Variants in RAD21 observed in about 807,000 individuals in gnomAD.
The protein encoded by RAD21 is double-strand-break repair protein rad21 homolog.
Under a neutral mutation model 71.5 loss-of-function variants are expected in RAD21, and 18 were observed. That is an observed-to-expected ratio of 0.25 (90% CI 0.17 to 0.37). The LOEUF (loss-of-function observed/expected upper bound fraction) is 0.37, where lower values mean the gene tolerates loss of function less well. RAD21 is among the 10% of genes least tolerant of loss of function. The pLI is 1.00. For missense variants in RAD21, 493 were observed against 769.1 expected, an observed-to-expected ratio of 0.64 and a Z score of 4.25; for synonymous variants, 248 against 254.0, an observed-to-expected ratio of 0.98 and a Z score of 0.22.
Position 116,847,496 on chromosome 8 carries a change from C to T in RAD21, c.*4G>A. On this transcript the variant is annotated 3_prime_UTR_variant, in exon 14 of 14. Transcript: ENST00000297338. ...CAAACACTAGCTATAATGCTTCTAG[C>T]TCCTTATATAATATGGAACCTTGGT... The T allele has an allele frequency of 6.2e-7, 1 of 1,600,678 alleles. No homozygotes were observed. The highest frequency in any genetic ancestry group is 8.5e-7 in the Non-Finnish European group (1 of 1,173,502).
intron 2 of RAD21, 27 bp from the exon 3 acceptor site, chr8:116,863,286 C>T (rs1171449258): frequency 1.0e-5 from 16 of 1,590,578 alleles, no homozygotes; most frequent in Non-Finnish European, 1.4e-5. Flanking sequence ...AATCATATTC[C>T]AAAACCTGCA....
At chr8:116,851,602 A>G (rs992839135) in intron 11 of RAD21, 39 of 173,818 alleles carry the variant, frequency 2.2e-4, no homozygotes, top group African/African-American at 8.9e-4. Context: ...TTTGAAGTTT[A>G]TTCTGATTAC....
At chr8:116,854,765 C>T (rs902219487) in intron 8 of RAD21, among the ~76,000 whole-genome samples, 1 of 152,138 alleles carries the variant, frequency 6.6e-6, no homozygotes, top group African/African-American at 2.4e-5. Flanking sequence ...TAGTTTTATA[C>T]TGTAAACAAT....
intron 1 of RAD21, among the ~76,000 whole-genome samples, chr8:116,869,728 T>A (rs1197188930): frequency 6.6e-6 from 1 of 152,138 alleles, no homozygotes; most frequent in African/African-American, 2.4e-5. Flanking sequence ...ACACACTTAA[T>A]ATAAGAGCTA....
At chr8:116,855,563 A>T (rs557611401) in intron 8 of RAD21, among the ~76,000 whole-genome samples, 34 of 152,234 alleles carry the variant, frequency 2.2e-4, no homozygotes, top group South Asian at 1.2e-3. Context: ...TAAAATTTTT[A>T]AAAAAATTTC....
chr8:116,860,924 C>A (rs895357203), intron 4 of RAD21, among the ~76,000 whole-genome samples: 1 of 152,140 alleles, frequency 6.6e-6, no homozygotes. Context: ...GTGAGGTAAG[C>A]TGGGGAAACA....
Position 116,850,725 on chromosome 8 carries a change from G to T in RAD21, c.1513C>A (p.Pro505Thr). ...CAGATATTTGGAGGTTCTTCTGGGG[G>T]AAGCTCTACAGGTGGTATTTCCATC... is the stretch of plus-strand genomic sequence containing the variant. ...EQMEIPPVELPPEEPPNICQL... is the reference protein window; with the variant it reads ...EQMEIPPVELTPEEPPNICQL... The change falls in exon 12 of 14, where the codon CCC becomes ACC. Residue 505 changes from proline to threonine, a missense_variant. Transcript: ENST00000297338. The T allele has an allele frequency of 6.2e-7, 1 of 1,613,382 alleles. No individual in the cohort carries two copies. Among genetic ancestry groups the T allele is most frequent in the Non-Finnish European group, 8.5e-7 (1 of 1,179,452 alleles).
Position 116,872,942 on chromosome 8 carries a change from G to A in RAD21, c.-33+1669C>T, listed in dbSNP as rs79066013. ...AGCTCCCTCTTTGCTCAGTTGTTTT[G>A]TAACGGTGAATAAGTTACTTCTCAA... On this transcript the variant is annotated intron_variant, in intron 1 of 13. Coordinates refer to ENST00000297338, the MANE Select transcript of RAD21 (RefSeq NM_006265.3). Among the ~76,000 whole-genome samples, 696 of 152,278 alleles carry A rather than the reference G, an allele frequency of 4.6e-3. 2 individuals are homozygous for A. The highest frequency in any genetic ancestry group is 7.2e-3 in the Non-Finnish European group (491 of 68,022).
chr8:116,871,138 A>C (rs1812814390), intron 1 of RAD21, among the ~76,000 whole-genome samples: 1 of 152,192 alleles, frequency 6.6e-6, no homozygotes, highest in African/African-American at 2.4e-5. Flanking sequence ...ATAAGGAGAA[A>C]GTGTAATTAT....
At chr8:116,851,023 G>A in intron 11 of RAD21, 1 of 263,916 alleles carries the variant, frequency 3.8e-6, no homozygotes. Context: ...TACTTTTTAG[G>A]AGTCAAATGC....
At position 116,850,592 on chromosome 8, in the gene RAD21, G is replaced by C. The variant is rs375503649; in HGVS notation, c.1620+26C>G. 4.4e-6 allele frequency: 7 copies of C among 1,598,580 alleles called. No homozygotes were observed. The African/African-American group carries it at 8.1e-5, about 18-fold the overall frequency. On this transcript the variant is annotated intron_variant, in intron 12 of 13. Coordinates refer to ENST00000297338, the MANE Select transcript of RAD21 (RefSeq NM_006265.3). ...CTGGTTGGAGGTTTTTGCTAAATCT[G>C]GAATGAAAATTATTAATTAGTTTAC...
chr8:116,866,203 T>C (rs1812687279), intron 2 of RAD21, among the ~76,000 whole-genome samples: 1 of 151,794 alleles, frequency 6.6e-6, no homozygotes, highest in Non-Finnish European at 1.5e-5. Flanking sequence ...GTAGCCTTTT[T>C]AGATTGGCTT....
At chr8:116,859,666 G>GC (rs1420372656) in intron 4 of RAD21, among the ~76,000 whole-genome samples, 5 of 142,384 alleles carry the variant, frequency 3.5e-5, no homozygotes, top group African/African-American at 1.0e-4. Flanking sequence ...CCCCACCCCC[G>GC]CAATGTTTCT....
intron 4 of RAD21, among the ~76,000 whole-genome samples, chr8:116,859,572 T>C (rs2130473524): frequency 6.6e-6 from 1 of 152,128 alleles, no homozygotes; most frequent in East Asian, 1.9e-4. Context: ...TTTTAATTAT[T>C]TTGGAGTGCC....
chr8:116,850,822 T>C, intron 11 of RAD21, 55 bp from the exon 12 acceptor site: 2 of 1,256,960 alleles, frequency 1.6e-6, no homozygotes, highest in Non-Finnish European at 2.3e-6. Context: ...AGTAGCTTAT[T>C]TTAAATATGA....
chr8:116,851,736 CAA>C (rs961676832), intron 11 of RAD21: 10 of 440,312 alleles, frequency 2.3e-5, no homozygotes, highest in South Asian at 5.7e-5. Flanking sequence ...CAATACTATT[CAA>C]AAAGAGTCAG....
chr8:116,849,990 A>G (rs1181527148), intron 12 of RAD21, among the ~76,000 whole-genome samples: 1 of 152,194 alleles, frequency 6.6e-6, no homozygotes, highest in Non-Finnish European at 1.5e-5. Flanking sequence ...AAACAGAAGA[A>G]TAAATTCTAA....
At chr8:116,871,229 A>G (rs1359968493) in intron 1 of RAD21, among the ~76,000 whole-genome samples, 1 of 152,138 alleles carries the variant, frequency 6.6e-6, no homozygotes, top group Non-Finnish European at 1.5e-5. Context: ...TAATCTGTTT[A>G]GATTTTGAAG....
rs771061752 is a variant in RAD21, at chr8:116,866,457, TAAAG to T, written c.144+125_144+128del. On this transcript the variant is annotated intron_variant, in intron 2 of 13. Coordinates refer to ENST00000297338, the MANE Select transcript of RAD21 (RefSeq NM_006265.3). ...TAGAGGTGATAAGGACTTCACATAA[TAAAG>T]AAACATTTCTAAGGATTTTCCTTGC... The T allele has an allele frequency of 1.5e-4, 116 of 758,348 alleles. 1 individual carries two copies. In the African/African-American group the frequency reaches 1.8e-3, roughly 12 times the overall value. The allele number at this position is 758,348 out of a possible 1,614,324, so 47.0% of individuals were successfully genotyped here. A position where few individuals can be genotyped will look rare whatever the true frequency, so the allele number is the denominator to read the frequency against.
Sources: allele counts gnomAD v4.1 joint callset (sites outside exome capture counted in the v4.1 genomes callset), GRCh38; gene constraint gnomAD v4.1.1; transcripts MANE v1.5; gene names NCBI Gene and HGNC (gene_info 2026-07-23, HGNC 2026-07-21).